The following PSORS1C1 variants were observed in gnomAD, a reference collection of about 807,000 sequenced individuals.
PSORS1C1 encodes the protein psoriasis susceptibility 1 candidate 1, also known as psoriasis susceptibility 1 candidate gene 1 protein.
Under a neutral mutation model 9.4 loss-of-function variants are expected in PSORS1C1, and 7 were observed. The ratio of observed to expected loss-of-function variants is 0.75; its 90% CI spans 0.42 to 1.40. The LOEUF is 1.40. Among genes scored for constraint, PSORS1C1 ranks in the 40% most tolerant of loss-of-function variants. The pLI is 0.01. For missense variants in PSORS1C1, 146 were observed against 178.1 expected, an observed-to-expected ratio of 0.82 and a Z score of 1.02; for synonymous variants, 63 against 69.4, an observed-to-expected ratio of 0.91 and a Z score of 0.46.
intron 3 of PSORS1C1, among the ~76,000 whole-genome samples, chr6:31,136,401 A>AG (rs1773139026): frequency 1.3e-5 from 2 of 151,936 alleles, no homozygotes; most frequent in South Asian, 2.1e-4. Flanking sequence ...AAAAAAAAAA[A>AG]AAAAGAAAAG....
intron 2 of PSORS1C1, among the ~76,000 whole-genome samples, chr6:31,126,292 G>A (rs112588188): frequency 1.8e-3 from 274 of 152,306 alleles, no homozygotes; most frequent in Non-Finnish European, 3.2e-3. Context: ...TGATGAGGAC[G>A]TACTGGGGTT....
intron 3 of PSORS1C1, among the ~76,000 whole-genome samples, chr6:31,132,151 A>T (rs1772944620): frequency 6.6e-6 from 1 of 152,170 alleles, no homozygotes; most frequent in Non-Finnish European, 1.5e-5. Context: ...AGGTGGGAGG[A>T]TCGCTTGGGT....
Position 31,128,818 on chromosome 6 carries a change from C to G in PSORS1C1, c.-64-751C>G, listed in dbSNP as rs1397249354. 2.6e-5 allele frequency among the ~76,000 whole-genome samples: 4 copies of G among 152,164 alleles called. No homozygotes were observed. The highest frequency in any genetic ancestry group is 7.2e-5 in the African/African-American group (3 of 41,438). The stretch of plus-strand genomic sequence containing the variant: ...GGGCTCCTACGTCAGGGTTTGCCCC[C>G]TCTCTAATTTAACTTTTTATCAAAT... On this transcript the variant is annotated intron_variant, in intron 2 of 5. Coordinates refer to ENST00000259881, the MANE Select transcript of PSORS1C1 (RefSeq NM_014068.3). This position sits in a 1 kb window ranked among gnomAD's most constrained non-coding sequence, Gnocchi z 4.3.
At position 31,131,622 on chromosome 6, in the gene PSORS1C1, A is replaced by T. The variant is rs537486407; in HGVS notation, c.13+1977A>T. Among the ~76,000 whole-genome samples, 87 of 138,576 alleles carry T rather than the reference A, an allele frequency of 6.3e-4. No homozygotes were observed. The East Asian group carries it at 8.9e-3, about 14-fold the overall frequency. 90.9% of individuals were successfully genotyped at this position (138,576 alleles called of 152,430 possible). The stretch of plus-strand genomic sequence containing the variant: ...CAAAAAAAAAAAAAAAAAAAAAAAG[A>T]GCTGGGATGATGTAGTGGTTAAAAT... On this transcript the variant is annotated intron_variant, in intron 3 of 5. Transcript: ENST00000259881.
rs1236022436 is a variant in PSORS1C1 at position 31,119,931 on chromosome 6, C to T, written c.-229+5040C>T. On this transcript the variant is annotated intron_variant, in intron 1 of 5. Coordinates refer to ENST00000259881, the MANE Select transcript of PSORS1C1 (RefSeq NM_014068.3). Reference sequence around the variant, plus strand: ...ACAAAAAAAAATAAAAATAAAAGTTCTAATATATAATCCAAATGTGCTTAA... The same window carrying T: ...ACAAAAAAAAATAAAAATAAAAGTTTTAATATATAATCCAAATGTGCTTAA... Among the ~76,000 whole-genome samples the T allele has an allele frequency of 2.6e-5, 4 of 151,862 alleles. No individual in the cohort carries two copies. The East Asian group carries it at 7.7e-4, about 29-fold the overall frequency.
chr6:31,128,351 G>T lies in PSORS1C1; in HGVS notation c.-64-1218G>T, dbSNP rs3909111. 2.0e-5 allele frequency among the ~76,000 whole-genome samples: 3 copies of T among 152,156 alleles called. No homozygotes were observed. Among genetic ancestry groups the T allele is most frequent in the African/African-American group, 4.8e-5 (2 of 41,502 alleles). On this transcript the variant is annotated intron_variant, in intron 2 of 5. Transcript: ENST00000259881. This position sits in a 1 kb window ranked among gnomAD's most constrained non-coding sequence, Gnocchi z 4.3. Reference sequence around the variant, plus strand: ...GCTACCTTGGCTCTCAGCATTGCACGGGAGTTTAGAGGTTATTAAAGAAAT... The same window carrying T: ...GCTACCTTGGCTCTCAGCATTGCACTGGAGTTTAGAGGTTATTAAAGAAAT...
At chr6:31,138,971 C>A in intron 5 of PSORS1C1, 192 bp downstream of exon 5, 1 of 1,614,042 alleles carries the variant, frequency 6.2e-7, no homozygotes, top group Non-Finnish European at 8.5e-7. Context: ...TCCCACCTCA[C>A]CTCTGGTGTG....
intron 1 of PSORS1C1, chr6:31,117,904 G>A (rs1772254924): frequency 3.6e-6 from 1 of 281,394 alleles, no homozygotes; most frequent in Non-Finnish European, 6.8e-6. Flanking sequence ...TTCAAGACCA[G>A]CCTGGGCAAC....
Position 31,115,909 on chromosome 6 carries a change from TG to T in PSORS1C1, c.-229+1021del. On this transcript the variant is annotated intron_variant, in intron 1 of 5. Transcript: ENST00000259881. The surrounding 1 kb of genome is among the most constrained non-coding windows in gnomAD (Gnocchi z 4.2). ...AGTGGAGAAAGCAGAACCACTCTTT[TG>T]GGAAGGAGGGAAACTGAGCTAACCC... The T allele has an allele frequency of 2.2e-6, 2 of 901,876 alleles. No individual in the cohort carries two copies. The highest frequency in any genetic ancestry group is 3.6e-6 in the Non-Finnish European group (2 of 557,632). 55.9% of individuals were successfully genotyped at this position (901,876 alleles called of 1,614,324 possible).
At position 31,138,274 on chromosome 6, in the gene PSORS1C1, G is replaced by C. The variant is rs142147706; in HGVS notation, c.14-156G>C. 8.0e-4 allele frequency: 1,271 copies of C among 1,582,278 alleles called. 1 individual carries two copies. Among genetic ancestry groups the C allele is most frequent in the Non-Finnish European group, 1.0e-3 (1,196 of 1,164,192 alleles). On this transcript the variant is annotated intron_variant, in intron 3 of 5. Transcript: ENST00000259881. ...GCCTCCTCTCGGTCCTCTGCGGGTG[G>C]GTGAGAGGGGTGGCCCTCGCTGCCT... is the stretch of plus-strand genomic sequence containing the variant.
At chr6:31,137,859 G>C (rs998669204) in intron 3 of PSORS1C1, 16 of 586,260 alleles carry the variant, frequency 2.7e-5, no homozygotes, top group Admixed American at 7.3e-5. Flanking sequence ...AAGGAGACAG[G>C]CTAAATTGGG....
In PSORS1C1 at chr6:31,117,486, C is replaced by T. The variant is rs1248512021; in HGVS notation, c.-229+2595C>T. On this transcript the variant is annotated intron_variant, in intron 1 of 5. Coordinates refer to ENST00000259881, the MANE Select transcript of PSORS1C1 (RefSeq NM_014068.3). ...TAGGGGAGGTGATACGCGTGGGGTC[C>T]TTACAAGGGTCTGAGAAGGTGCCAA... The T allele has an allele frequency of 3.2e-6, 5 of 1,552,272 alleles. No individual in the cohort carries two copies. The Admixed American group carries it at 9.8e-5, about 30-fold the overall frequency.
chr6:31,117,886 C>T, intron 1 of PSORS1C1: 1 of 312,936 alleles, frequency 3.2e-6, no homozygotes, highest in South Asian at 3.5e-5. Flanking sequence ...ATTGCATGCG[C>T]CCCAGAGTTC....
chr6:31,117,609 G>T (rs576964985), intron 1 of PSORS1C1: 2 of 1,219,912 alleles, frequency 1.6e-6, no homozygotes, highest in South Asian at 2.6e-5. Flanking sequence ...CTCAGTCATC[G>T]GCCTCTCGGG....
In PSORS1C1 at chr6:31,139,201, G is replaced by A; in HGVS notation, c.167+422G>A. ...CTGGGCTGATGTGTCACCCCTGAAGGTGGCGTCCCTTATTTTAGTCCTCCA... is the reference window on the plus strand; with the variant it reads ...CTGGGCTGATGTGTCACCCCTGAAGATGGCGTCCCTTATTTTAGTCCTCCA... On this transcript the variant is annotated intron_variant, in intron 5 of 5. Coordinates refer to ENST00000259881, the MANE Select transcript of PSORS1C1 (RefSeq NM_014068.3). This position sits in a 1 kb window ranked among gnomAD's most constrained non-coding sequence, Gnocchi z 5.2. 1 of 603,094 alleles carries A rather than the reference G, an allele frequency of 1.7e-6. No individual in the cohort carries two copies. Among genetic ancestry groups the A allele is most frequent in the Non-Finnish European group, 2.9e-6 (1 of 339,104 alleles). The allele number at this position is 603,094 out of a possible 1,614,324, so 37.4% of individuals were successfully genotyped here. A position where few individuals can be genotyped will look rare whatever the true frequency, so the allele number is the denominator to read the frequency against.
At position 31,132,338 on chromosome 6, in the gene PSORS1C1, A is replaced by G. The variant is rs370050321; in HGVS notation, c.13+2693A>G. Reference sequence around the variant, plus strand: ...GGAGTTTGAGACCAGCCTGGCCAACATGGTGAAACCCTGTTTCTACTAAAA... The same window carrying G: ...GGAGTTTGAGACCAGCCTGGCCAACGTGGTGAAACCCTGTTTCTACTAAAA... On this transcript the variant is annotated intron_variant, in intron 3 of 5. Transcript: ENST00000259881. 6.1e-4 allele frequency among the ~76,000 whole-genome samples: 93 copies of G among 152,308 alleles called. No individual in the cohort carries two copies. In the East Asian group the frequency reaches 7.9e-3, roughly 13 times the overall value.
At chr6:31,136,390 CAAAAAAA>C (rs11311116) in intron 3 of PSORS1C1, among the ~76,000 whole-genome samples, 1 of 102,700 alleles carries the variant, frequency 9.7e-6, no homozygotes, top group Admixed American at 1.0e-4. Context: ...TAATACGTCT[CAAAAAAA>C]AAAAAAAAGA....
chr6:31,136,651 C>A (rs928447704), intron 3 of PSORS1C1, among the ~76,000 whole-genome samples: 1 of 152,180 alleles, frequency 6.6e-6, no homozygotes, highest in African/African-American at 2.4e-5. Context: ...AGAGATGAAA[C>A]TTGCCTTCCC....
At position 31,139,254 on chromosome 6, in the gene PSORS1C1, T is replaced by A. The variant is rs2072108; in HGVS notation, c.168-387T>A. 1 of 585,642 alleles carries A rather than the reference T, an allele frequency of 1.7e-6. No homozygotes were observed. The allele number at this position is 585,642 out of a possible 1,614,324, so 36.3% of individuals were successfully genotyped here. A position where few individuals can be genotyped will look rare whatever the true frequency, so the allele number is the denominator to read the frequency against. On this transcript the variant is annotated intron_variant, in intron 5 of 5. Coordinates refer to ENST00000259881, the MANE Select transcript of PSORS1C1 (RefSeq NM_014068.3). This position sits in a 1 kb window ranked among gnomAD's most constrained non-coding sequence, Gnocchi z 5.2. Reference sequence around the variant, plus strand: ...CCAGGACCCAGCTGCCTGCTCTCCCTATCATGACCCAGAGCCTGCGTCACC... The same window carrying A: ...CCAGGACCCAGCTGCCTGCTCTCCCAATCATGACCCAGAGCCTGCGTCACC...
Sources: gnomAD v4.1 joint callset for allele counts (sites outside exome capture counted in the v4.1 genomes callset) on GRCh38, gnomAD v4.1.1 for gene constraint, Gnocchi (gnomAD v3.1) non-coding constraint, MANE v1.5 for transcripts, NCBI Gene and HGNC (gene_info 2026-07-23, HGNC 2026-07-21) for gene names.